The following EXOC6B variants were observed in gnomAD, a reference collection of about 807,000 sequenced individuals.
The protein encoded by EXOC6B is SEC15 homolog B.
In EXOC6B, 54 loss-of-function variants were observed where a neutral mutation model predicts 113.5. The observed-to-expected ratio is 0.48, with a 90% CI of 0.38 to 0.60. The LOEUF (loss-of-function observed/expected upper bound fraction) is 0.60. Among genes scored for constraint, EXOC6B ranks in the 20% least tolerant of loss-of-function variants. The pLI is 0.00. For missense variants in EXOC6B, 797 were observed against 977.5 expected (o/e 0.82, Z 2.46); for synonymous variants, 357 against 339.0 (o/e 1.05, Z -0.58).
At chr2:72,262,342 T>C (rs1206484094) in intron 20 of EXOC6B, among the ~76,000 whole-genome samples, 1 of 152,018 alleles carries the variant, frequency 6.6e-6, no homozygotes, top group Admixed American at 6.6e-5. Context: ...TTCTGGTCTT[T>C]GTTTAAGAGG....
At chr2:72,188,896 T>C (rs939370309) in intron 20 of EXOC6B, among the ~76,000 whole-genome samples, 3 of 152,248 alleles carry the variant, frequency 2.0e-5, no homozygotes, top group Non-Finnish European at 2.9e-5. Flanking sequence ...GCTCCAGCAC[T>C]TGAATTCTCT....
intron 10 of EXOC6B, among the ~76,000 whole-genome samples, chr2:72,513,645 C>T (rs1701062749): frequency 6.6e-6 from 1 of 151,686 alleles, no homozygotes; most frequent in Non-Finnish European, 1.5e-5. Context: ...CTAATATATA[C>T]ATCATATATA....
intron 6 of EXOC6B, among the ~76,000 whole-genome samples, chr2:72,696,392 G>C (rs1677885986): frequency 6.6e-6 from 1 of 152,158 alleles, no homozygotes. Flanking sequence ...TCTTCAACTT[G>C]ATGTGCAAAG....
intron 12 of EXOC6B, 34 bp downstream of exon 12, chr2:72,499,867 T>C (rs752974335): frequency 2.1e-6 from 3 of 1,434,160 alleles, no homozygotes; most frequent in South Asian, 2.4e-5. Flanking sequence ...ATAATACCAA[T>C]CTAGATGAGC....
intron 6 of EXOC6B, among the ~76,000 whole-genome samples, chr2:72,633,118 A>G: frequency 6.6e-6 from 1 of 152,050 alleles, no homozygotes. Context: ...TCTTTTTACC[A>G]CTCATTGCAA....
At chr2:72,418,820 T>C (rs1694689668) in intron 18 of EXOC6B, among the ~76,000 whole-genome samples, 1 of 152,174 alleles carries the variant, frequency 6.6e-6, no homozygotes, top group African/African-American at 2.4e-5. Context: ...TAATTACTGG[T>C]AGAGGAGGGA....
chr2:72,207,016 C>CT (rs916951364), intron 20 of EXOC6B, among the ~76,000 whole-genome samples: 1 of 152,062 alleles, frequency 6.6e-6, no homozygotes, highest in Non-Finnish European at 1.5e-5. Flanking sequence ...GCCTTTAACA[C>CT]TTTTTTTTCT....
intron 18 of EXOC6B, among the ~76,000 whole-genome samples, chr2:72,393,118 CAA>C (rs1692492151): frequency 6.6e-6 from 1 of 150,904 alleles, no homozygotes. Context: ...TTTTTTGAGA[CAA>C]AGTCTCACTC....
At chr2:72,588,188 C>A (rs1022430183) in intron 6 of EXOC6B, among the ~76,000 whole-genome samples, 5 of 151,900 alleles carry the variant, frequency 3.3e-5, no homozygotes, top group African/African-American at 1.2e-4. Flanking sequence ...GTTAAATATC[C>A]AAAGAATTTA....
At chr2:72,717,258 G>C (rs1035236320) in intron 6 of EXOC6B, among the ~76,000 whole-genome samples, 1 of 152,002 alleles carries the variant, frequency 6.6e-6, no homozygotes, top group East Asian at 1.9e-4. Flanking sequence ...AAGGCTAGTC[G>C]AGACCTAAAA....
chr2:72,199,396 C>T (rs953991607), intron 20 of EXOC6B, among the ~76,000 whole-genome samples: 6 of 152,064 alleles, frequency 3.9e-5, no homozygotes, highest in Admixed American at 2.0e-4. Context: ...TTCAGAAATA[C>T]GTGTTTGTAT....
chr2:72,189,307 T>G (rs189871583), intron 20 of EXOC6B, among the ~76,000 whole-genome samples: 1 of 152,346 alleles, frequency 6.6e-6, no homozygotes, highest in African/African-American at 2.4e-5. Context: ...AGTTTGGTTT[T>G]GTCTAGTGGC....
chr2:72,697,970 G>T (rs1203769702), intron 6 of EXOC6B, among the ~76,000 whole-genome samples: 1 of 152,078 alleles, frequency 6.6e-6, no homozygotes, highest in Non-Finnish European at 1.5e-5. Context: ...GAATTTCTTA[G>T]CATGGCATAT....
chr2:72,552,201 A>T (rs1040722086), intron 8 of EXOC6B, among the ~76,000 whole-genome samples: 4 of 152,208 alleles, frequency 2.6e-5, no homozygotes, highest in African/African-American at 4.8e-5. Flanking sequence ...TTGAGGGAAA[A>T]AAATTCATTA....
chr2:72,305,263 G>T (rs923059990), intron 20 of EXOC6B, among the ~76,000 whole-genome samples: 3 of 151,976 alleles, frequency 2.0e-5, no homozygotes, highest in Non-Finnish European at 4.4e-5. Context: ...GAGGCTAGAG[G>T]GGAAACTTAC....
intron 6 of EXOC6B, among the ~76,000 whole-genome samples, chr2:72,578,482 T>C (rs1705010643): frequency 6.6e-6 from 1 of 152,134 alleles, no homozygotes; most frequent in Admixed American, 6.5e-5. Context: ...CCTGATTACC[T>C]TTCCTTGCCT....
chr2:72,208,379 C>G (rs571181419), intron 20 of EXOC6B, among the ~76,000 whole-genome samples: 1 of 152,204 alleles, frequency 6.6e-6, no homozygotes, highest in African/African-American at 2.4e-5. Flanking sequence ...AGGGTATGGC[C>G]TCTAGCTGCA....
chr2:72,235,158 C>A (rs1681878931), intron 20 of EXOC6B, among the ~76,000 whole-genome samples: 1 of 152,112 alleles, frequency 6.6e-6, no homozygotes, highest in Admixed American at 6.5e-5. Context: ...AAATGCCCAT[C>A]AACAGTAGAC....
intron 19 of EXOC6B, among the ~76,000 whole-genome samples, chr2:72,356,621 A>G (rs1382578727): frequency 2.0e-5 from 3 of 152,208 alleles, no homozygotes; most frequent in Non-Finnish European, 2.9e-5. Flanking sequence ...GAGAGTCCCA[A>G]CTTAAAGAAT....
Sources: gnomAD v4.1 joint callset for allele counts (sites outside exome capture counted in the v4.1 genomes callset) on GRCh38, gnomAD v4.1.1 for gene constraint, MANE v1.5 for transcripts, NCBI Gene and HGNC (gene_info 2026-07-23, HGNC 2026-07-21) for gene names.